Variants in COQ3 observed in about 807,000 individuals in gnomAD.
COQ3 encodes coenzyme Q3, methyltransferase.
Under a neutral mutation model 33.1 loss-of-function variants are expected in COQ3, and 29 were observed. That is an observed-to-expected ratio of 0.88 (90% CI 0.65 to 1.19). The LOEUF (loss-of-function observed/expected upper bound fraction) is 1.19. COQ3 is among the 50% of genes most tolerant of loss of function. COQ3 has a pLI of 0.00. For synonymous variants in COQ3, 173 were observed against 157.8 expected (o/e 1.10, Z -0.72); for missense variants, 437 against 430.7 (o/e 1.01, Z -0.13).
At chr6:99,371,942 A>G (rs1774155632) in intron 5 of COQ3, among the ~76,000 whole-genome samples, 1 of 152,206 alleles carries the variant, frequency 6.6e-6, no homozygotes, top group Non-Finnish European at 1.5e-5. Flanking sequence ...ACATTCTAAC[A>G]TATGTCAAAA....
chr6:99,383,533 T>C (rs1774529929), intron 2 of COQ3, among the ~76,000 whole-genome samples, 165 bp downstream of exon 2: 1 of 152,220 alleles, frequency 6.6e-6, no homozygotes. Flanking sequence ...TCCCCAAATT[T>C]AAAAATTGTT....
chr6:99,394,025 C>T (rs373233067), intron 1 of COQ3, 49 bp downstream of exon 1: 87 of 1,509,820 alleles, frequency 5.8e-5, no homozygotes, highest in Admixed American at 1.0e-4. Context: ...GCAGAGACGC[C>T]AGCGCTCGCA....
At chr6:99,372,939 A>C (rs2128469980) in intron 5 of COQ3, among the ~76,000 whole-genome samples, 1 of 152,222 alleles carries the variant, frequency 6.6e-6, no homozygotes, top group African/African-American at 2.4e-5. Context: ...CTTAGATACC[A>C]CTCTATGCCA....
chr6:99,392,586 T>C (rs1774861244), intron 1 of COQ3, among the ~76,000 whole-genome samples: 2 of 151,822 alleles, frequency 1.3e-5, no homozygotes, highest in Admixed American at 1.3e-4. Flanking sequence ...TCTCACAAAC[T>C]TTCTCACAGA....
Position 99,393,765 on chromosome 6 carries a change from T to C in COQ3, c.106+309A>G, listed in dbSNP as rs1036598698. On this transcript the variant is annotated intron_variant, in intron 1 of 6. Coordinates refer to ENST00000254759, the MANE Select transcript of COQ3 (RefSeq NM_017421.4). Reference sequence around the variant, plus strand: ...CCTGCCCCGGCAAAGGAAAGATGCATGACCTTCAGACTGCAGCACACGCAG... The same window carrying C: ...CCTGCCCCGGCAAAGGAAAGATGCACGACCTTCAGACTGCAGCACACGCAG... Among the ~76,000 whole-genome samples the C allele has an allele frequency of 6.6e-5, 10 of 152,220 alleles. No individual in the cohort carries two copies. In the East Asian group the frequency reaches 1.9e-3, roughly 29 times the overall value.
chr6:99,370,554 G>A (rs1017524647), intron 6 of COQ3, among the ~76,000 whole-genome samples: 4 of 151,748 alleles, frequency 2.6e-5, no homozygotes, highest in Non-Finnish European at 5.9e-5. Context: ...TCACCACATT[G>A]GCCAGGCTGG....
In COQ3 at chr6:99,390,985, T is replaced by G. The variant is rs562033133; in HGVS notation, c.106+3089A>C. 2.6e-3 allele frequency among the ~76,000 whole-genome samples: 396 copies of G among 152,352 alleles called. 4 individuals are homozygous for G. Among genetic ancestry groups the G allele is most frequent in the Middle Eastern group, 0.01 (3 of 294 alleles). On this transcript the variant is annotated intron_variant, in intron 1 of 6. Coordinates refer to ENST00000254759, the MANE Select transcript of COQ3 (RefSeq NM_017421.4). ...TTCTCCTGAGCTTATGTTTATTTGG[T>G]TTTATTTTTTAATCAGCCCTTCACA... is the stretch of plus-strand genomic sequence containing the variant.
chr6:99,375,271 A>G (rs114034381), intron 5 of COQ3, among the ~76,000 whole-genome samples: 3,810 of 152,084 alleles, frequency 0.025, 182 homozygotes, highest in African/African-American at 0.088. Context: ...CCCAGCCTCA[A>G]ATCAATGTCT....
chr6:99,391,098 T>TTTATTG (rs1554209267), intron 1 of COQ3, among the ~76,000 whole-genome samples: 9 of 133,648 alleles, frequency 6.7e-5, no homozygotes, highest in African/African-American at 2.3e-4. Flanking sequence ...TTTATTTATT[T>TTTATTG]ATTTATTTAT....
At position 99,369,792 on chromosome 6, in the gene COQ3, T is replaced by TCCTA. The variant is rs1345923130; in HGVS notation, c.914_917dup (p.Met307ArgfsTer5). Reference sequence around the variant, plus strand: ...AACCTGAGAAGGGGTTATAGAGCATTCCTACCACTGTTTGAACTGACAGAC... The same window carrying TCCTA: ...AACCTGAGAAGGGGTTATAGAGCATTCCTACCTACCACTGTTTGAACTGACAGAC... On this transcript the variant is annotated frameshift_variant, in exon 7 of 7. Coordinates refer to ENST00000254759, the MANE Select transcript of COQ3 (RefSeq NM_017421.4). LOFTEE classifies it low-confidence loss of function (END_TRUNC). 10 of 1,610,556 alleles carry TCCTA rather than the reference T, an allele frequency of 6.2e-6. No individual in the cohort carries two copies. Among genetic ancestry groups the TCCTA allele is most frequent in the African/African-American group, 1.3e-5 (1 of 74,778 alleles).
At chr6:99,388,378 C>T (rs750957227) in intron 1 of COQ3, among the ~76,000 whole-genome samples, 1 of 151,980 alleles carries the variant, frequency 6.6e-6, no homozygotes, top group Non-Finnish European at 1.5e-5. Context: ...CTTAAAATTA[C>T]ACAACACTGA....
At chr6:99,373,972 A>T (rs1267119331) in intron 5 of COQ3, among the ~76,000 whole-genome samples, 1 of 151,986 alleles carries the variant, frequency 6.6e-6, no homozygotes, top group African/African-American at 2.4e-5. Context: ...TTGCCAGTAC[A>T]CTCCAGCCTG....
intron 1 of COQ3, 36 bp from the exon 2 acceptor site, chr6:99,383,860 T>G: frequency 6.7e-7 from 1 of 1,496,422 alleles, no homozygotes; most frequent in Non-Finnish European, 9.0e-7. Context: ...AGAAAAGCTT[T>G]GCACAGTAAG....
Position 99,371,579 on chromosome 6 carries a change from A to G in COQ3, c.738T>C (p.Gly246=). 1 of 1,593,122 alleles carries G rather than the reference A, an allele frequency of 6.3e-7. No homozygotes were observed. Among genetic ancestry groups the G allele is most frequent in the Non-Finnish European group, 8.5e-7 (1 of 1,169,986 alleles). The change falls in exon 6 of 7, where the codon GGT becomes GGC. Residue 246 remains glycine, a synonymous_variant. Coordinates refer to ENST00000254759, the MANE Select transcript of COQ3 (RefSeq NM_017421.4). ...TGTTGATTGTAGTAATGAATAAAGA[A>G]CCACCGGGCTAAAAGAAATGAAATT... ...QCCCQVLKPG[G]SLFITTINKT...
intron 2 of COQ3, chr6:99,383,269 C>T (rs960681703): frequency 4.6e-5 from 7 of 152,272 alleles, no homozygotes; most frequent in African/African-American, 1.4e-4. Context: ...GCCACCTTAT[C>T]ATATTTATGC....
At chr6:99,376,805 T>C (rs1167652695) in intron 4 of COQ3, among the ~76,000 whole-genome samples, 3 of 151,734 alleles carry the variant, frequency 2.0e-5, no homozygotes, top group Non-Finnish European at 4.4e-5. Flanking sequence ...ACCCTGTCTC[T>C]ACTAAAAATT....
chr6:99,386,688 T>C (rs1774662676), intron 1 of COQ3, among the ~76,000 whole-genome samples: 1 of 152,192 alleles, frequency 6.6e-6, no homozygotes, highest in Admixed American at 6.5e-5. Flanking sequence ...TCAGAAATTC[T>C]ACAATTTAGA....
At chr6:99,380,084 T>C in intron 3 of COQ3, 105 bp downstream of exon 3, 2 of 1,004,830 alleles carry the variant, frequency 2.0e-6, no homozygotes, top group Non-Finnish European at 2.9e-6. Flanking sequence ...GCAAACTTAA[T>C]GTGCAGCATT....
chr6:99,372,455 T>C (rs534818179), intron 5 of COQ3, among the ~76,000 whole-genome samples: 1 of 152,092 alleles, frequency 6.6e-6, no homozygotes, highest in Non-Finnish European at 1.5e-5. Flanking sequence ...TCTTGCTCTG[T>C]CGCCCAGGGT....
Sources: gnomAD v4.1 joint callset for allele counts (sites outside exome capture counted in the v4.1 genomes callset) on GRCh38, gnomAD v4.1.1 for gene constraint, MANE v1.5 for transcripts, NCBI Gene and HGNC (gene_info 2026-07-23, HGNC 2026-07-21) for gene names.